Variants in KLHL12 observed in about 807,000 individuals in gnomAD.
KLHL12 encodes the protein kelch-like protein 12.
A neutral mutation model predicts 60.8 loss-of-function variants in KLHL12; 17 were observed. That is an observed-to-expected ratio of 0.28 (90% confidence interval 0.19 to 0.42). KLHL12 has a LOEUF of 0.42. Among genes scored for constraint, KLHL12 ranks in the 10% least tolerant of loss-of-function variants. KLHL12 has a pLI of 1.00. For synonymous variants in KLHL12, 220 were observed against 250.9 expected, an observed-to-expected ratio of 0.88 and a Z score of 1.16; for missense variants, 468 against 722.3, an observed-to-expected ratio of 0.65 and a Z score of 4.04.
rs1660294545 is a variant in KLHL12, at chr1:202,909,584, G to A, written c.718-460C>T. ...TCACAGTCCTGTTGTAATTACCATT[G>A]TCTATTTCTGACAGCTCTGTACTGG... On this transcript the variant is annotated intron_variant, in intron 5 of 11. Coordinates refer to ENST00000367261, the MANE Select transcript of KLHL12 (RefSeq NM_021633.4). The surrounding 1 kb of genome is among the most constrained non-coding windows in gnomAD (Gnocchi z 4.1). 6.6e-6 allele frequency among the ~76,000 whole-genome samples: 1 copy of A among 152,202 alleles called. No homozygotes were observed.
chr1:202,928,134 G>A (rs1210597273), upstream of KLHL12, among the ~76,000 whole-genome samples: 1 of 151,626 alleles, frequency 6.6e-6, no homozygotes, highest in African/African-American at 2.4e-5. Flanking sequence ...AATTGGCTGG[G>A]CGTAGTGGCG....
At chr1:202,898,943 AT>A (rs1206847819) in intron 6 of KLHL12, among the ~76,000 whole-genome samples, 3 of 150,716 alleles carry the variant, frequency 2.0e-5, no homozygotes, top group Admixed American at 6.7e-5. Flanking sequence ...ATGTGGCAGA[AT>A]TTTTTTTCCT....
intron 6 of KLHL12, among the ~76,000 whole-genome samples, chr1:202,900,779 G>A (rs965537082): frequency 1.3e-5 from 2 of 152,044 alleles, no homozygotes; most frequent in South Asian, 2.1e-4. Flanking sequence ...CACGAGAATC[G>A]CTTGAACCTG....
Position 202,895,152 on chromosome 1 carries a change from G to A in KLHL12, c.1135+370C>T, listed in dbSNP as rs1318133100. On this transcript the variant is annotated intron_variant, in intron 8 of 11. Coordinates refer to ENST00000367261, the MANE Select transcript of KLHL12 (RefSeq NM_021633.4). This position sits in a 1 kb window ranked among gnomAD's most constrained non-coding sequence, Gnocchi z 4.2. ...CACACCTGTAATCCCAGCACCTTGG[G>A]AGGCCGAGGTGGGTCAATCACTTGA... Among the ~76,000 whole-genome samples the A allele has an allele frequency of 6.6e-6, 1 of 152,190 alleles. No individual in the cohort carries two copies. Among genetic ancestry groups the A allele is most frequent in the Non-Finnish European group, 1.5e-5 (1 of 68,038 alleles).
At chr1:202,920,382 T>A (rs1660653840) in intron 2 of KLHL12, among the ~76,000 whole-genome samples, 1 of 132,746 alleles carries the variant, frequency 7.5e-6, no homozygotes, top group South Asian at 2.5e-4. Flanking sequence ...TTTTTTTTTT[T>A]TTTTTTTTTT....
chr1:202,904,224 A>G (rs1224900835), intron 6 of KLHL12, among the ~76,000 whole-genome samples: 4 of 151,546 alleles, frequency 2.6e-5, no homozygotes, highest in African/African-American at 4.9e-5. Context: ...GGCTGGTCTC[A>G]AACTCCCGAT....
chr1:202,893,475 T>C lies in KLHL12; in HGVS notation c.1394-50A>G. 6.8e-7 allele frequency: 1 copy of C among 1,471,826 alleles called. No individual in the cohort carries two copies. The highest frequency in any genetic ancestry group is 9.3e-7 in the Non-Finnish European group (1 of 1,072,286). 91.2% of individuals were successfully genotyped at this position (1,471,826 alleles called of 1,614,324 possible). A position where few individuals can be genotyped will look rare whatever the true frequency, so the allele number is the denominator to read the frequency against. On this transcript the variant is annotated intron_variant, in intron 10 of 11. Coordinates refer to ENST00000367261, the MANE Select transcript of KLHL12 (RefSeq NM_021633.4). This position sits in a 1 kb window ranked among gnomAD's most constrained non-coding sequence, Gnocchi z 4.1. ...AATGTATGGTACTAAGCCTAGAATC[T>C]GAATTATAGAAATAAACTACGGTCA... is the stretch of plus-strand genomic sequence containing the variant.
chr1:202,917,147 T>C (rs908815197), intron 4 of KLHL12, among the ~76,000 whole-genome samples: 7 of 152,200 alleles, frequency 4.6e-5, no homozygotes, highest in African/African-American at 1.7e-4. Context: ...TGACTTTTCT[T>C]CTGTGTAGGT....
At chr1:202,894,519 TA>T (rs1659770785) in intron 9 of KLHL12, 71 bp downstream of exon 9, 2 of 1,501,428 alleles carry the variant, frequency 1.3e-6, no homozygotes, top group African/African-American at 1.4e-5. Context: ...GTCATTTTGG[TA>T]AAAAGGAATC....
chr1:202,921,497 C>T (rs762301676), intron 2 of KLHL12, among the ~76,000 whole-genome samples: 12 of 152,050 alleles, frequency 7.9e-5, no homozygotes, highest in East Asian at 1.9e-4. Context: ...TTAGTAATGA[C>T]GAAAAAGAAC....
chr1:202,921,005 GACT>G (rs939350372), intron 2 of KLHL12, among the ~76,000 whole-genome samples: 4 of 151,854 alleles, frequency 2.6e-5, no homozygotes, highest in African/African-American at 9.7e-5. Flanking sequence ...TCTGTCCTTA[GACT>G]ACTTTTTTTT....
intron 6 of KLHL12, among the ~76,000 whole-genome samples, chr1:202,905,673 A>C (rs568168182): frequency 7.2e-5 from 11 of 152,306 alleles, no homozygotes; most frequent in Non-Finnish European, 1.0e-4. Flanking sequence ...TTGCACAACT[A>C]TTTGCGCATC....
In KLHL12 at chr1:202,896,933, C is replaced by G. The variant is rs1378324091; in HGVS notation, c.860G>C (p.Gly287Ala). Residue 287 changes from glycine to alanine, a missense_variant, in exon 7 of 12, where the codon GGG (glycine) becomes GCG (alanine). Gly to Ala is a moderately conservative substitution (Grantham distance 60). This residue lies in a region of KLHL12 where 339 missense variants were observed against 525.0 expected (regional missense o/e 0.65). Transcript: ENST00000367261. ...GGGAGACTGCTGGCTTCCAAAGCCC[C>G]CAACCACCAAAAGCACTTCATTGGC... The part of the protein sequence containing the change: ...LGANEVLLVV[G>A]GFGSQQSPID... 6.2e-7 allele frequency: 1 copy of G among 1,614,066 alleles called. No individual in the cohort carries two copies. The highest frequency in any genetic ancestry group is 1.1e-5 in the South Asian group (1 of 91,082).
At chr1:202,920,786 A>G (rs1176232966) in intron 2 of KLHL12, among the ~76,000 whole-genome samples, 1 of 152,228 alleles carries the variant, frequency 6.6e-6, no homozygotes, top group Non-Finnish European at 1.5e-5. Flanking sequence ...ACCTTCCTGG[A>G]ATAGTAATTT....
intron 6 of KLHL12, among the ~76,000 whole-genome samples, chr1:202,906,023 G>T (rs1660175408): frequency 7.8e-6 from 1 of 128,332 alleles, no homozygotes; most frequent in African/African-American, 2.9e-5. Flanking sequence ...GTTTCACCGT[G>T]TTAGCCTGGA....
intron 4 of KLHL12, among the ~76,000 whole-genome samples, chr1:202,916,226 G>C (rs1380767364): frequency 6.6e-6 from 1 of 152,220 alleles, no homozygotes; most frequent in Non-Finnish European, 1.5e-5. Context: ...GGCTGATACA[G>C]AGCCCAGTAT....
intron 4 of KLHL12, chr1:202,911,698 G>T: frequency 1.8e-6 from 1 of 553,724 alleles, no homozygotes; most frequent in South Asian, 2.7e-5. Context: ...CCAAGCCTCT[G>T]AAGCAGGAGC....
At chr1:202,923,322 T>C (rs921089288) in intron 2 of KLHL12, among the ~76,000 whole-genome samples, 2 of 152,234 alleles carry the variant, frequency 1.3e-5, no homozygotes, top group South Asian at 4.1e-4. Context: ...ACACTCTCTT[T>C]ACCCAGTTAA....
At chr1:202,925,612 A>T (rs10800881) in intron 1 of KLHL12, among the ~76,000 whole-genome samples, 118,563 of 152,132 alleles carry the variant, frequency 0.78, 47,498 homozygotes, top group East Asian at 0.9. Flanking sequence ...AGCATACATA[A>T]AAAGAGGATC....
Sources: gnomAD v4.1 joint callset for allele counts (sites outside exome capture counted in the v4.1 genomes callset) on GRCh38, gnomAD v4.1.1 for gene constraint, gnomAD v4.1.1 regional missense constraint, Gnocchi (gnomAD v3.1) non-coding constraint, MANE v1.5 for transcripts, NCBI Gene and HGNC (gene_info 2026-07-23, HGNC 2026-07-21) for gene names.